SON: variants seen among roughly 807,000 people sequenced by gnomAD.
SON encodes protein SON.
A neutral mutation model predicts 173.3 loss-of-function variants in SON; 4 were observed. That is an observed-to-expected ratio of 0.02 (90% confidence interval 0.01 to 0.05). The LOEUF is 0.05. SON is among the 10% of genes least tolerant of loss of function. The pLI, the probability that SON is intolerant of heterozygous loss-of-function variation, is 1.00. For missense variants in SON, 2,626 were observed against 3,055.3 expected, an observed-to-expected ratio of 0.86 and a Z score of 3.31; for synonymous variants, 1,190 against 1,105.9, an observed-to-expected ratio of 1.08 and a Z score of -1.51.
chr21:33,547,705 CTTTTTTT>C (rs928851742), intron 2 of SON, among the ~76,000 whole-genome samples: 3 of 70,998 alleles, frequency 4.2e-5, no homozygotes, highest in African/African-American at 1.6e-4. Flanking sequence ...CTTCTGTAGT[CTTTTTTT>C]TTTTTTTTTT....
Position 33,554,027 on chromosome 21 carries a change from T to C in SON, c.4796T>C (p.Phe1599Ser). Residue 1599 changes from phenylalanine (F) to serine (S), a missense_variant, in exon 3 of 12, where the codon TTT (phenylalanine) becomes TCT (serine). Physicochemically the swap from Phe to Ser is radical, Grantham distance 155. Transcript: ENST00000356577. Reference protein sequence around the residue: ...AGETLSSTGPFALEPDATGTS... With the variant: ...AGETLSSTGPSALEPDATGTS... Reference sequence around the variant, plus strand: ...GAAACTCTATCTTCTACTGGTCCTTTTGCTCTGGAACCTGATGCAACAGGA... The same window carrying C: ...GAAACTCTATCTTCTACTGGTCCTTCTGCTCTGGAACCTGATGCAACAGGA... 3 of 1,614,148 alleles carry C rather than the reference T, an allele frequency of 1.9e-6. No individual in the cohort carries two copies. In the Middle Eastern group the frequency reaches 4.9e-4, roughly 266 times the overall value.
chr21:33,562,141 TC>T (rs2086080938), intron 6 of SON, among the ~76,000 whole-genome samples: 1 of 152,172 alleles, frequency 6.6e-6, no homozygotes, highest in African/African-American at 2.4e-5. Context: ...AATGTTTAGT[TC>T]CAGTTATTTA....
At position 33,550,570 on chromosome 21, in the gene SON, C is replaced by G. The variant is rs1309944890; in HGVS notation, c.1339C>G (p.Pro447Ala). ...ELPGPSVTPVPQLSQELPGLP... is the reference protein window; with the variant it reads ...ELPGPSVTPVAQLSQELPGLP... ...GCCAGGGCCCTCTGTGACACCAGTG[C>G]CACAGTTGTCGCAGGAATTGCCAGG... Residue 447 changes from proline to alanine, a missense_variant, in exon 3 of 12, where the codon CCA becomes GCA. Transcript: ENST00000356577. 1 of 1,613,698 alleles carries G rather than the reference C, an allele frequency of 6.2e-7. No individual in the cohort carries two copies.
rs374720220 is a variant in SON at position 33,553,280 on chromosome 21, C to T, written c.4049C>T (p.Ala1350Val). 2 of 1,614,082 alleles carry T rather than the reference C, an allele frequency of 1.2e-6. No individual in the cohort carries two copies. The highest frequency in any genetic ancestry group is 2.7e-5 in the African/African-American group (2 of 74,940). ...AESILEPPAM[A>V]APESSAMAVL... The stretch of plus-strand genomic sequence containing the variant: ...AGCATTCTGGAGCCGCCAGCCATGG[C>T]TGCCCCAGAGTCTTCAGCTATGGCT... Residue 1350 changes from alanine to valine, a missense_variant, in exon 3 of 12, where the codon GCT becomes GTT. Coordinates refer to ENST00000356577, the MANE Select transcript of SON (RefSeq NM_138927.4).
chr21:33,557,512 C>G (rs1346019639), intron 4 of SON, 196 bp downstream of exon 4: 1 of 1,550,656 alleles, frequency 6.4e-7, no homozygotes, highest in African/African-American at 1.4e-5. Context: ...GCTCCGCTAG[C>G]TAAAAGTTAC....
chr21:33,553,173 C>T lies in SON; in HGVS notation c.3942C>T (p.Ser1314=), dbSNP rs771829469. ...CAGAGACAGCAGAAACATTTGATTC[C>T]ATGAGAGCCTCAGGACATGTTGCCT... ...VMSETAETFD[S]MRASGHVASE... Residue 1314 remains serine (S), a synonymous_variant, in exon 3 of 12, where the codon TCC becomes TCT. Transcript: ENST00000356577. 6.2e-7 allele frequency: 1 copy of T among 1,614,150 alleles called. No homozygotes were observed. Among genetic ancestry groups the T allele is most frequent in the South Asian group, 1.1e-5 (1 of 91,082 alleles).
chr21:33,553,261 C>T lies in SON; in HGVS notation c.4030C>T (p.Leu1344=). Residue 1344 remains leucine, a synonymous_variant, in exon 3 of 12, where the codon CTG becomes TTG. Transcript: ENST00000356577. ...VTTPVLAESI[L]EPPAMAAPES... ...TACTCCAGTGCTGGCAGAGAGCATT[C>T]TGGAGCCGCCAGCCATGGCTGCCCC... The T allele has an allele frequency of 6.2e-7, 1 of 1,614,160 alleles. No homozygotes were observed. Among genetic ancestry groups the T allele is most frequent in the Non-Finnish European group, 8.5e-7 (1 of 1,180,036 alleles).
At chr21:33,548,987 A>G (rs2085688270) in intron 2 of SON, among the ~76,000 whole-genome samples, 1 of 152,186 alleles carries the variant, frequency 6.6e-6, no homozygotes, top group African/African-American at 2.4e-5. Context: ...TGTGGAAAGA[A>G]TTATCAGAAA....
chr21:33,568,907 A>C, intron 7 of SON, 64 bp from the exon 8 acceptor site: 1 of 891,664 alleles, frequency 1.1e-6, no homozygotes, highest in South Asian at 1.5e-5. Context: ...TTAGTGAATT[A>C]TTACCAGTGA....
At chr21:33,548,462 G>A (rs1041988898) in intron 2 of SON, among the ~76,000 whole-genome samples, 6 of 152,154 alleles carry the variant, frequency 3.9e-5, no homozygotes, top group African/African-American at 1.2e-4. Context: ...ATGTAACGTA[G>A]GCATGATAAG....
At chr21:33,574,321 C>T (rs1171228550) in intron 9 of SON, among the ~76,000 whole-genome samples, 1 of 152,136 alleles carries the variant, frequency 6.6e-6, no homozygotes, top group Non-Finnish European at 1.5e-5. Flanking sequence ...GTTAAACTGT[C>T]TTAATGAATT....
At chr21:33,566,497 AT>A (rs1463056410) in intron 6 of SON, among the ~76,000 whole-genome samples, 3 of 149,218 alleles carry the variant, frequency 2.0e-5, no homozygotes, top group Non-Finnish European at 3.0e-5. Context: ...AGTTGATGTT[AT>A]GGACTTCCAC....
chr21:33,564,054 A>T (rs1444841082), intron 6 of SON, among the ~76,000 whole-genome samples: 2 of 152,216 alleles, frequency 1.3e-5, no homozygotes, highest in Non-Finnish European at 1.5e-5. Context: ...CTAGTCTTAT[A>T]GTGTATTGGT....
In SON at chr21:33,553,344, G is replaced by A. The variant is rs2085861824; in HGVS notation, c.4113G>A (p.Ser1371=). ...ESSAVTVLES[S]TVTVLESSTV... The stretch of plus-strand genomic sequence containing the variant: ...CGGCTGTGACCGTCCTGGAGTCTTC[G>A]ACTGTGACTGTCCTGGAGTCTTCGA... Residue 1371 remains serine (S), a synonymous_variant, in exon 3 of 12, where the codon TCG becomes TCA. Coordinates refer to ENST00000356577, the MANE Select transcript of SON (RefSeq NM_138927.4). 3 of 1,586,096 alleles carry A rather than the reference G, an allele frequency of 1.9e-6. No individual in the cohort carries two copies. Among genetic ancestry groups the A allele is most frequent in the Non-Finnish European group, 2.6e-6 (3 of 1,157,534 alleles).
chr21:33,555,737 T>C (rs991442778), intron 3 of SON, among the ~76,000 whole-genome samples: 11 of 152,234 alleles, frequency 7.2e-5, no homozygotes, highest in African/African-American at 2.2e-4. Context: ...CAGATTGTTA[T>C]TGTATGTGTT....
intron 6 of SON, among the ~76,000 whole-genome samples, chr21:33,561,431 T>TA (rs2086068844): frequency 6.6e-6 from 1 of 152,132 alleles, no homozygotes; most frequent in African/African-American, 2.4e-5. Context: ...TTTAAGCATT[T>TA]AAAAAAGAGT....
Position 33,554,961 on chromosome 21 carries a change from C to T in SON, c.5730C>T (p.Ser1910=). The T allele has an allele frequency of 5.6e-6, 9 of 1,613,936 alleles. No homozygotes were observed. The highest frequency in any genetic ancestry group is 7.6e-6 in the Non-Finnish European group (9 of 1,180,010). ...GGGAAAGAAAAAGAAAAAGATCAAG[C>T]TCCAGGGATAACCGAAAGACAGTTA... is the stretch of plus-strand genomic sequence containing the variant. ...KSRERKRKRS[S]SRDNRKTVRA... is the part of the protein sequence containing the mutation. The change falls in exon 3 of 12, where the codon AGC becomes AGT. Residue 1910 remains serine, a synonymous_variant. Transcript: ENST00000356577.
Position 33,554,742 on chromosome 21 carries a change from C to G in SON, c.5511C>G (p.Arg1837=). 6.2e-7 allele frequency: 1 copy of G among 1,613,832 alleles called. No homozygotes were observed. The highest frequency in any genetic ancestry group is 8.5e-7 in the Non-Finnish European group (1 of 1,180,022). ...CCAAATCTTCTGAACACAAATCACG[C>G]AAGCGTACCAGTGAATCTCGTTCTA... is the stretch of plus-strand genomic sequence containing the variant. ...KRSKSSEHKS[R]KRTSESRSRA... is the part of the protein sequence containing the mutation. The change falls in exon 3 of 12, where the codon CGC becomes CGG. Residue 1837 remains arginine (R), a synonymous_variant. Coordinates refer to ENST00000356577, the MANE Select transcript of SON (RefSeq NM_138927.4).
chr21:33,555,485 T>C (rs1442780714), intron 3 of SON, 94 bp downstream of exon 3: 22 of 1,163,236 alleles, frequency 1.9e-5, no homozygotes, highest in Non-Finnish European at 2.4e-5. Context: ...ACTTAGTTAC[T>C]GGTTTAGGAT....
Sources: allele counts gnomAD v4.1 joint callset (sites outside exome capture counted in the v4.1 genomes callset), GRCh38; gene constraint gnomAD v4.1.1; transcripts MANE v1.5; gene names NCBI Gene and HGNC (gene_info 2026-07-23, HGNC 2026-07-21).